The following SNTG1 variants were observed in gnomAD, a reference collection of about 807,000 sequenced individuals.
The protein encoded by SNTG1 is gamma-1-syntrophin.
In SNTG1, 39 loss-of-function variants were observed where a neutral mutation model predicts 74.7. The ratio of observed to expected loss-of-function variants is 0.52; its 90% CI spans 0.40 to 0.68. The LOEUF (loss-of-function observed/expected upper bound fraction) is 0.68. Among genes scored for constraint, SNTG1 ranks in the 30% least tolerant of loss-of-function variants. The probability of loss-of-function intolerance (pLI) is 0.00; values close to 1 mark genes in which losing one functional copy is unlikely to be tolerated. For missense variants in SNTG1, 685 were observed against 609.5 expected (o/e 1.12, Z -1.30); for synonymous variants, 254 against 217.1 (o/e 1.17, Z -1.49).
chr8:50,538,180 A>T (rs2094321006), intron 11 of SNTG1, among the ~76,000 whole-genome samples: 1 of 152,156 alleles, frequency 6.6e-6, no homozygotes, highest in East Asian at 1.9e-4. Context: ...TGTTGCTTCC[A>T]TTAAGATTCC....
chr8:49,969,004 C>A (rs996072381), intron 1 of SNTG1, among the ~76,000 whole-genome samples: 3 of 151,994 alleles, frequency 2.0e-5, no homozygotes, highest in Non-Finnish European at 2.9e-5. Flanking sequence ...AGGAAGGGGA[C>A]AGAGAGAGAA....
intron 2 of SNTG1, among the ~76,000 whole-genome samples, chr8:50,202,612 A>G (rs2084030473): frequency 6.6e-6 from 1 of 152,088 alleles, no homozygotes; most frequent in South Asian, 2.1e-4. Flanking sequence ...GGACATTTTG[A>G]TACTTTCCAA....
chr8:50,459,693 G>C (rs1042528163), intron 8 of SNTG1, among the ~76,000 whole-genome samples: 1 of 152,074 alleles, frequency 6.6e-6, no homozygotes, highest in Non-Finnish European at 1.5e-5. Flanking sequence ...TCCTGCCTCA[G>C]TGTCTATTGC....
chr8:50,420,013 TAAG>T (rs1563361606), intron 4 of SNTG1, among the ~76,000 whole-genome samples: 1 of 149,452 alleles, frequency 6.7e-6, no homozygotes, highest in East Asian at 2.0e-4. Flanking sequence ...CTGAAAAAAA[TAAG>T]AAGTGTCTCA....
At chr8:50,127,482 C>T (rs1456277481) in intron 1 of SNTG1, among the ~76,000 whole-genome samples, 10 of 152,072 alleles carry the variant, frequency 6.6e-5, no homozygotes, top group Non-Finnish European at 8.8e-5. Flanking sequence ...TCTGGCCCAC[C>T]GCCCAGTGGG....
intron 18 of SNTG1, among the ~76,000 whole-genome samples, chr8:50,775,161 G>C (rs186542551): frequency 5.3e-5 from 8 of 151,012 alleles, no homozygotes; most frequent in Admixed American, 5.3e-4. Context: ...TAAATATTTC[G>C]ACCAAAGGCA....
At chr8:50,357,991 TTCCTTCTTA>T (rs2091864235) in intron 2 of SNTG1, among the ~76,000 whole-genome samples, 1 of 152,116 alleles carries the variant, frequency 6.6e-6, no homozygotes, top group Admixed American at 6.6e-5. Flanking sequence ...TTTTTACTAT[TTCCTTCTTA>T]TTTTTTAAAA....
chr8:50,002,132 C>T (rs1814797218), intron 1 of SNTG1, among the ~76,000 whole-genome samples: 1 of 152,078 alleles, frequency 6.6e-6, no homozygotes, highest in African/African-American at 2.4e-5. Context: ...TATGAAGAAA[C>T]AAAGGTAAAT....
At chr8:50,753,907 A>G (rs763351048) in intron 18 of SNTG1, among the ~76,000 whole-genome samples, 2 of 152,010 alleles carry the variant, frequency 1.3e-5, no homozygotes, top group African/African-American at 2.4e-5. Flanking sequence ...TCCATAGGTA[A>G]TACTGAAAAT....
At chr8:50,252,595 C>T (rs1412667353) in intron 2 of SNTG1, among the ~76,000 whole-genome samples, 1 of 152,100 alleles carries the variant, frequency 6.6e-6, no homozygotes, top group African/African-American at 2.4e-5. Context: ...TGGTGAGGGC[C>T]TCAGGATGCT....
At chr8:50,450,247 TCA>T (rs1365365296) in intron 6 of SNTG1, among the ~76,000 whole-genome samples, 1 of 152,240 alleles carries the variant, frequency 6.6e-6, no homozygotes. Context: ...TTAAACATTT[TCA>T]CAGAGACCTA....
At chr8:50,634,323 AC>A (rs776422835) in intron 13 of SNTG1, among the ~76,000 whole-genome samples, 34 of 152,096 alleles carry the variant, frequency 2.2e-4, no homozygotes, top group Non-Finnish European at 4.4e-4. Flanking sequence ...GGCACAAATC[AC>A]CTTTGCTGGT....
intron 15 of SNTG1, among the ~76,000 whole-genome samples, chr8:50,695,487 CTTATTTAT>C (rs35894305): frequency 2.0e-5 from 3 of 149,442 alleles, no homozygotes; most frequent in African/African-American, 7.4e-5. Flanking sequence ...TTTTTTATTT[CTTATTTAT>C]TTATTTATTT....
chr8:50,653,285 A>G (rs547617909), intron 13 of SNTG1, among the ~76,000 whole-genome samples: 2 of 152,096 alleles, frequency 1.3e-5, no homozygotes, highest in Non-Finnish European at 2.9e-5. Context: ...CTCTACAAAA[A>G]TTAGCCAGAA....
chr8:50,490,603 A>T (rs535246738), intron 8 of SNTG1, among the ~76,000 whole-genome samples: 1 of 152,312 alleles, frequency 6.6e-6, no homozygotes, highest in Admixed American at 6.5e-5. Flanking sequence ...TTGTGAAGTC[A>T]ATATTTGAAA....
intron 4 of SNTG1, among the ~76,000 whole-genome samples, chr8:50,432,265 A>C (rs1164760937): frequency 2.0e-5 from 3 of 152,054 alleles, no homozygotes; most frequent in Admixed American, 6.6e-5. Flanking sequence ...TTGGAAAAAA[A>C]TATCTTTGCT....
chr8:49,930,323 T>C (rs10112818), intron 1 of SNTG1, among the ~76,000 whole-genome samples: 78,222 of 151,676 alleles, frequency 0.52, 22,744 homozygotes, highest in East Asian at 0.83. Context: ...GGTTATTCTA[T>C]TCAAAAAGTA....
intron 2 of SNTG1, among the ~76,000 whole-genome samples, chr8:50,195,983 A>C (rs2131813574): frequency 6.6e-6 from 1 of 152,294 alleles, no homozygotes; most frequent in South Asian, 2.1e-4. Context: ...TAATATCAAT[A>C]ATTTTCATGG....
intron 1 of SNTG1, among the ~76,000 whole-genome samples, chr8:50,126,867 G>T (rs905957788): frequency 3.9e-5 from 6 of 152,106 alleles, no homozygotes; most frequent in Non-Finnish European, 7.4e-5. Flanking sequence ...GCTCCACAAA[G>T]TGGTAGTGAA....
Sources: allele counts gnomAD v4.1 joint callset (sites outside exome capture counted in the v4.1 genomes callset), GRCh38; gene constraint gnomAD v4.1.1; transcripts MANE v1.5; gene names NCBI Gene and HGNC (gene_info 2026-07-23, HGNC 2026-07-21).